KBTBD7: variants seen among roughly 807,000 people sequenced by gnomAD.
The protein encoded by KBTBD7 is kelch repeat and BTB domain-containing protein 7.
A neutral mutation model predicts 50.3 loss-of-function variants in KBTBD7; 25 were observed. That is an observed-to-expected ratio of 0.50 (90% CI 0.36 to 0.69). The LOEUF (loss-of-function observed/expected upper bound fraction) is 0.69, where lower values mean the gene tolerates loss of function less well. Among genes scored for constraint, KBTBD7 ranks in the 30% least tolerant of loss-of-function variants. The probability of loss-of-function intolerance (pLI) is 0.00; values close to 1 mark genes in which losing one functional copy is unlikely to be tolerated. For missense variants in KBTBD7, 653 were observed against 869.5 expected (o/e 0.75, Z 3.13); for synonymous variants, 305 against 325.3 (o/e 0.94, Z 0.67).
rs969723884 is a variant in KBTBD7 at position 41,194,455 on chromosome 13, T to C, written c.-198A>G. The C allele has an allele frequency of 5.4e-5, 38 of 700,744 alleles. No homozygotes were observed. The highest frequency in any genetic ancestry group is 1.2e-4 in the Admixed American group (4 of 33,280). 43.4% of individuals were successfully genotyped at this position (700,744 alleles called of 1,614,324 possible). A position where few individuals can be genotyped will look rare whatever the true frequency, so the allele number is the denominator to read the frequency against. ...TAGACAGTGGCTGACTCACCCTCTC[T>C]CACTCCCGCGCCCTTTCTCCGCCTC... On this transcript the variant is annotated 5_prime_UTR_variant, in exon 1 of 1. Coordinates refer to ENST00000379483, the MANE Select transcript of KBTBD7 (RefSeq NM_032138.7).
chr13:41,192,122 T>C lies in KBTBD7; in HGVS notation c.*81A>G. 2 of 1,440,688 alleles carry C rather than the reference T, an allele frequency of 1.4e-6. No homozygotes were observed. Among genetic ancestry groups the C allele is most frequent in the Non-Finnish European group, 1.9e-6 (2 of 1,063,794 alleles). The allele number at this position is 1,440,688 out of a possible 1,614,324, so 89.2% of individuals were successfully genotyped here. A position where few individuals can be genotyped will look rare whatever the true frequency, so the allele number is the denominator to read the frequency against. On this transcript the variant is annotated 3_prime_UTR_variant, in exon 1 of 1. Coordinates refer to ENST00000379483, the MANE Select transcript of KBTBD7 (RefSeq NM_032138.7). ...ACCAAATCTGTGGTCCTAATCAACTTTTTTTCCAAGAAAAAGAAACGATAT... is the reference window on the plus strand; with the variant it reads ...ACCAAATCTGTGGTCCTAATCAACTCTTTTTCCAAGAAAAAGAAACGATAT...
chr13:41,194,019 C>A lies in KBTBD7; in HGVS notation c.239G>T (p.Arg80Leu), dbSNP rs757083295. The A allele has an allele frequency of 2.5e-6, 4 of 1,614,080 alleles. No individual in the cohort carries two copies. The highest frequency in any genetic ancestry group is 3.4e-6 in the Non-Finnish European group (4 of 1,180,050). Reference protein sequence around the residue: ...VTPGSGPGTGRLFSCNRNVLA... With the variant: ...VTPGSGPGTGLLFSCNRNVLA... Reference sequence around the variant, plus strand: ...CACGTTGCGATTGCAGGAAAAGAGGCGACCCGTGCCAGGCCCGCTGCCAGG... The same window carrying A: ...CACGTTGCGATTGCAGGAAAAGAGGAGACCCGTGCCAGGCCCGCTGCCAGG... The change falls in exon 1 of 1, where the codon CGC (arginine) becomes CTC (leucine). Residue 80 changes from arginine to leucine, a missense_variant. By Grantham distance (102) the Arg-to-Leu change is moderately radical. This residue lies in a region of KBTBD7 where 119 missense variants were observed against 125.0 expected (regional missense o/e 0.95). Transcript: ENST00000379483.
chr13:41,192,112 C>T lies in KBTBD7; in HGVS notation c.*91G>A. On this transcript the variant is annotated 3_prime_UTR_variant, in exon 1 of 1. Transcript: ENST00000379483. ...CCCTTTCTAAACCAAATCTGTGGTC[C>T]TAATCAACTTTTTTTCCAAGAAAAA... 7.7e-7 allele frequency: 1 copy of T among 1,307,126 alleles called. No individual in the cohort carries two copies. Among genetic ancestry groups the T allele is most frequent in the Non-Finnish European group, 1.1e-6 (1 of 942,934 alleles). 81.0% of individuals were successfully genotyped at this position (1,307,126 alleles called of 1,614,324 possible). A position where few individuals can be genotyped will look rare whatever the true frequency, so the allele number is the denominator to read the frequency against.
At position 41,193,900 on chromosome 13, in the gene KBTBD7, C is replaced by T; in HGVS notation, c.358G>A (p.Glu120Lys). 6.2e-7 allele frequency: 1 copy of T among 1,614,128 alleles called. No homozygotes were observed. ...ASVTMHDVDA[E>K]SFEVLVDYCY... ...TAGTCGACCAACACCTCGAAGGACT[C>T]GGCGTCCACATCGTGCATGGTCACG... Residue 120 changes from glutamate to lysine, a missense_variant, in exon 1 of 1, where the codon GAG becomes AAG. Around this residue, in one of 3 missense-constraint regions of KBTBD7, gnomAD observed 526 missense variants for 717.1 expected, o/e 0.73. Transcript: ENST00000379483. The surrounding 1 kb of genome is among the most constrained non-coding windows in gnomAD (Gnocchi z 5.7).
At position 41,190,952 on chromosome 13, in the gene KBTBD7, C is replaced by T. The variant is rs1376706504; in HGVS notation, c.*1251G>A. ...AATGTCAACTTTTAATACAAAAATACCTTCAAGCTGATAATTAAGAACATT... is the reference window on the plus strand; with the variant it reads ...AATGTCAACTTTTAATACAAAAATATCTTCAAGCTGATAATTAAGAACATT... On this transcript the variant is annotated 3_prime_UTR_variant, in exon 1 of 1. Coordinates refer to ENST00000379483, the MANE Select transcript of KBTBD7 (RefSeq NM_032138.7). The T allele has an allele frequency of 6.6e-6, 1 of 152,088 alleles. No homozygotes were observed. 9.4% of individuals were successfully genotyped at this position (152,088 alleles called of 1,614,324 possible).
At position 41,191,442 on chromosome 13, in the gene KBTBD7, A is replaced by C. The variant is rs1326140559; in HGVS notation, c.*761T>G. On this transcript the variant is annotated 3_prime_UTR_variant, in exon 1 of 1. Coordinates refer to ENST00000379483, the MANE Select transcript of KBTBD7 (RefSeq NM_032138.7). ...GGGTGTTTAATTCATGACATTACTAAGAATGGGTGTTTTTTGGGATAGAAA... is the reference window on the plus strand; with the variant it reads ...GGGTGTTTAATTCATGACATTACTACGAATGGGTGTTTTTTGGGATAGAAA... The C allele has an allele frequency of 6.6e-6, 1 of 150,932 alleles. No individual in the cohort carries two copies. The highest frequency in any genetic ancestry group is 2.4e-5 in the African/African-American group (1 of 41,206). The allele number at this position is 150,932 out of a possible 1,614,324, so 9.3% of individuals were successfully genotyped here.
rs1479848399 is a variant in KBTBD7, at chr13:41,191,029, A to G, written c.*1174T>C. 6.6e-6 allele frequency: 1 copy of G among 152,208 alleles called. No homozygotes were observed. Among genetic ancestry groups the G allele is most frequent in the African/African-American group, 2.4e-5 (1 of 41,470 alleles). 9.4% of individuals were successfully genotyped at this position (152,208 alleles called of 1,614,324 possible). On this transcript the variant is annotated 3_prime_UTR_variant, in exon 1 of 1. Transcript: ENST00000379483. ...TTCCAATGCTACACAAAACGGTTCT[A>G]TAATACACAGCTTAAAGTTTTAAAG...
Position 41,192,462 on chromosome 13 carries a change from C to T in KBTBD7, c.1796G>A (p.Gly599Asp), listed in dbSNP as rs757317253. ...AAACTGCAAAAGGCCTAACATGGTA[C>T]CTATATTAATCCACTGATCTTCCCT... ...DTREDQWINI[G>D]TMLGLLQFDS... Residue 599 changes from glycine to aspartate, a missense_variant, in exon 1 of 1, where the codon GGT becomes GAT. Transcript: ENST00000379483. 6.2e-7 allele frequency: 1 copy of T among 1,614,196 alleles called. No homozygotes were observed. The highest frequency in any genetic ancestry group is 8.5e-7 in the Non-Finnish European group (1 of 1,180,022).
In KBTBD7 at chr13:41,193,114, C is replaced by CA. The variant is rs1382909007; in HGVS notation, c.1143dup (p.Val382CysfsTer13). 1 of 1,614,180 alleles carries CA rather than the reference C, an allele frequency of 6.2e-7. No individual in the cohort carries two copies. Among genetic ancestry groups the CA allele is most frequent in the Admixed American group, 1.7e-5 (1 of 60,026 alleles). Reference sequence around the variant, plus strand: ...GACACACAGACAGCTGAGGAGGTGACAGTCTTAGTGTGAGCAAAGCTGGTC... The same window carrying CA: ...GACACACAGACAGCTGAGGAGGTGACAAGTCTTAGTGTGAGCAAAGCTGGTC... On this transcript the variant is annotated frameshift_variant, in exon 1 of 1. Transcript: ENST00000379483. LOFTEE classifies it high-confidence loss of function. This position sits in a 1 kb window ranked among gnomAD's most constrained non-coding sequence, Gnocchi z 5.7.
rs1369644099 is a variant in KBTBD7, at chr13:41,193,645, G to A, written c.613C>T (p.Arg205Ter). ...GTCTCCTCCCGAATTGAACCCATTC[G>A]GCTGAGCTGCTTGAAGTTGTGAGCT... ...YIAHNFKQLS[R>*]MGSIREETLA... The change falls in exon 1 of 1, where the codon CGA becomes TGA. Residue 205 changes from arginine to a stop codon, truncating the protein, a stop_gained. Coordinates refer to ENST00000379483, the MANE Select transcript of KBTBD7 (RefSeq NM_032138.7). LOFTEE classifies it high-confidence loss of function. This position sits in a 1 kb window ranked among gnomAD's most constrained non-coding sequence, Gnocchi z 5.7. 1.2e-6 allele frequency: 2 copies of A among 1,614,194 alleles called. No individual in the cohort carries two copies. Among genetic ancestry groups the A allele is most frequent in the Non-Finnish European group, 1.7e-6 (2 of 1,180,046 alleles).
chr13:41,191,269 A>C lies in KBTBD7; in HGVS notation c.*934T>G, dbSNP rs1327810775. The C allele has an allele frequency of 1.3e-5, 2 of 152,154 alleles. No homozygotes were observed. Among genetic ancestry groups the C allele is most frequent in the African/African-American group, 2.4e-5 (1 of 41,448 alleles). The allele number at this position is 152,154 out of a possible 1,614,324, so 9.4% of individuals were successfully genotyped here. ...GGAGGCAAGTAAACATTTTAAGACA[A>C]ATCATGACCAGTGGATAAAAATTTG... On this transcript the variant is annotated 3_prime_UTR_variant, in exon 1 of 1. Transcript: ENST00000379483.
chr13:41,192,490 TATC>T lies in KBTBD7; in HGVS notation c.1765_1767del (p.Asp589del). 6.2e-7 allele frequency: 1 copy of T among 1,614,222 alleles called. No individual in the cohort carries two copies. Among genetic ancestry groups the T allele is most frequent in the East Asian group, 2.2e-5 (1 of 44,894 alleles). The stretch of plus-strand genomic sequence containing the variant: ...ATATTAATCCACTGATCTTCCCTAG[TATC>T]ATACTCATACACTGTCACTCGGTTC... On this transcript the variant is annotated inframe_deletion, in exon 1 of 1. Transcript: ENST00000379483.
In KBTBD7 at chr13:41,192,717, T is replaced by C. The variant is rs2031422654; in HGVS notation, c.1541A>G (p.Asp514Gly). The C allele has an allele frequency of 6.2e-7, 1 of 1,614,054 alleles. No homozygotes were observed. The highest frequency in any genetic ancestry group is 1.3e-5 in the African/African-American group (1 of 74,932). Residue 514 changes from aspartate to glycine, a missense_variant, in exon 1 of 1, where the codon GAC (aspartate) becomes GGC (glycine). By Grantham distance (94) the Asp-to-Gly change is moderately conservative. Around this residue, in one of 3 missense-constraint regions of KBTBD7, gnomAD observed 526 missense variants for 717.1 expected, o/e 0.73. Coordinates refer to ENST00000379483, the MANE Select transcript of KBTBD7 (RefSeq NM_032138.7). ...WLNCASLKRS[D>G]FQEACVFNDE... is the part of the protein sequence containing the mutation. Reference sequence around the variant, plus strand: ...ATTGAAGACACATGCTTCCTGAAAGTCACTACGTTTAAGAGAAGCACAGTT... The same window carrying C: ...ATTGAAGACACATGCTTCCTGAAAGCCACTACGTTTAAGAGAAGCACAGTT...
rs1333909521 is a variant in KBTBD7 at position 41,192,591 on chromosome 13, G to A, written c.1667C>T (p.Thr556Ile). The A allele has an allele frequency of 1.9e-6, 3 of 1,614,034 alleles. No homozygotes were observed. The African/African-American group carries it at 4.0e-5, about 22-fold the overall frequency. ...ATGATTGACAATCTGGTAGTTGTGGGTCTCTGAATCCAAAGGAATATTACT... is the reference window on the plus strand; with the variant it reads ...ATGATTGACAATCTGGTAGTTGTGGATCTCTGAATCCAAAGGAATATTACT... ...RISNIPLDSE[T>I]HNYQIVNHDQ... Residue 556 changes from threonine to isoleucine, a missense_variant, in exon 1 of 1, where the codon ACC becomes ATC. Transcript: ENST00000379483.
rs1003143068 is a variant in KBTBD7 at position 41,194,552 on chromosome 13, G to T, written c.-295C>A. The T allele has an allele frequency of 3.9e-6, 2 of 508,740 alleles. No individual in the cohort carries two copies. Among genetic ancestry groups the T allele is most frequent in the Non-Finnish European group, 3.6e-6 (1 of 275,926 alleles). 31.5% of individuals were successfully genotyped at this position (508,740 alleles called of 1,614,324 possible). On this transcript the variant is annotated 5_prime_UTR_variant, in exon 1 of 1. Coordinates refer to ENST00000379483, the MANE Select transcript of KBTBD7 (RefSeq NM_032138.7). ...ACTGCCGCGCTGGCGATCCCGCTAG[G>T]CGCCCGGGAGAACTACTGCTCCCAG...
rs1278347495 is a variant in KBTBD7 at position 41,193,147 on chromosome 13, A to T, written c.1111T>A (p.Ser371Thr). Residue 371 changes from serine to threonine, a missense_variant, in exon 1 of 1, where the codon TCC becomes ACC. By Grantham distance (58) the Ser-to-Thr change is moderately conservative (BLOSUM62 1). Transcript: ENST00000379483. The surrounding 1 kb of genome is among the most constrained non-coding windows in gnomAD (Gnocchi z 5.7). Reference protein sequence around the residue: ...PYSGDIYTMPSPLTSFAHTKT... With the variant: ...PYSGDIYTMPTPLTSFAHTKT... ...GTGTGAGCAAAGCTGGTCAAAGGGG[A>T]TGGCATTGTGTAAATGTCCCCCGAG... 1 of 1,614,210 alleles carries T rather than the reference A, an allele frequency of 6.2e-7. No individual in the cohort carries two copies. Among genetic ancestry groups the T allele is most frequent in the Admixed American group, 1.7e-5 (1 of 60,032 alleles).
chr13:41,194,318 C>T lies in KBTBD7; in HGVS notation c.-61G>A. ...GCTGCAGGACCAGGCTCTGGCTCCT[C>T]CTCAACCTTCCCTCGCTGACGCTAA... On this transcript the variant is annotated 5_prime_UTR_variant, in exon 1 of 1. Transcript: ENST00000379483. 1 of 1,565,194 alleles carries T rather than the reference C, an allele frequency of 6.4e-7. No individual in the cohort carries two copies.
chr13:41,192,391 G>C lies in KBTBD7; in HGVS notation c.1867C>G (p.Leu623Val). ...GTAATAAAACTCTGACCAGGTTCAA[G>C]GCAGGAAGGATAAACACGAGCACAA... ...CLCARVYPSC[L>V]EPGQSFITEE... The change falls in exon 1 of 1, where the codon CTT becomes GTT. Residue 623 changes from leucine to valine, a missense_variant. This residue lies in a region of KBTBD7 where 526 missense variants were observed against 717.1 expected (regional missense o/e 0.73). Coordinates refer to ENST00000379483, the MANE Select transcript of KBTBD7 (RefSeq NM_032138.7). 6.2e-7 allele frequency: 1 copy of C among 1,614,146 alleles called. No homozygotes were observed. The highest frequency in any genetic ancestry group is 8.5e-7 in the Non-Finnish European group (1 of 1,180,026).
Position 41,194,351 on chromosome 13 carries a change from C to G in KBTBD7, c.-94G>C. Reference sequence around the variant, plus strand: ...TTCCCTCGCTGACGCTAAGACAAGCCGCGTCCTGGAACAGACTGCGGCACG... The same window carrying G: ...TTCCCTCGCTGACGCTAAGACAAGCGGCGTCCTGGAACAGACTGCGGCACG... On this transcript the variant is annotated 5_prime_UTR_variant, in exon 1 of 1. Coordinates refer to ENST00000379483, the MANE Select transcript of KBTBD7 (RefSeq NM_032138.7). 1 of 1,501,414 alleles carries G rather than the reference C, an allele frequency of 6.7e-7. No homozygotes were observed. Among genetic ancestry groups the G allele is most frequent in the East Asian group, 2.3e-5 (1 of 43,258 alleles). 93.0% of individuals were successfully genotyped at this position (1,501,414 alleles called of 1,614,324 possible).
Sources: gnomAD v4.1 joint callset for allele counts on GRCh38, gnomAD v4.1.1 for gene constraint, gnomAD v4.1.1 regional missense constraint, Gnocchi (gnomAD v3.1) non-coding constraint, MANE v1.5 for transcripts, NCBI Gene and HGNC (gene_info 2026-07-23, HGNC 2026-07-21) for gene names.